The following DUOX2 variants were observed in gnomAD, a reference collection of about 807,000 sequenced individuals.
The protein encoded by DUOX2 is NADH/NADPH thyroid oxidase p138-tox.
DUOX2 carries 185 observed loss-of-function variants against 183.3 expected under a neutral mutation model. That is an observed-to-expected ratio of 1.01 (90% confidence interval 0.90 to 1.14). The LOEUF is 1.14. Ranked by LOEUF, DUOX2 falls within the 50% of genes most tolerant of loss-of-function variation. DUOX2 has a pLI of 0.00. For synonymous variants in DUOX2, 788 were observed against 812.4 expected (o/e 0.97, Z 0.51); for missense variants, 1,999 against 2,022.9 (o/e 0.99, Z 0.23).
At position 45,111,471 on chromosome 15, in the gene DUOX2, C is replaced by T. The variant is rs1409703314; in HGVS notation, c.628G>A (p.Ala210Thr). The T allele has an allele frequency of 3.0e-5, 46 of 1,550,508 alleles. No homozygotes were observed. The highest frequency in any genetic ancestry group is 4.0e-5 in the Non-Finnish European group (46 of 1,150,364). Residue 210 changes from alanine (A) to threonine (T), a missense_variant, in exon 6 of 34, where the codon GCT (alanine) becomes ACT (threonine). Coordinates refer to ENST00000389039, the MANE Select transcript of DUOX2 (RefSeq NM_001363711.2). ...GGQLASGPDPAFPRDSQNPLL... is the reference protein window; with the variant it reads ...GGQLASGPDPTFPRDSQNPLL... Reference sequence around the variant, plus strand: ...GGGTTCTGCGAGTCTCGGGGGAAAGCGGGGTCGGGCCCCGACGCCAGCTGT... The same window carrying T: ...GGGTTCTGCGAGTCTCGGGGGAAAGTGGGGTCGGGCCCCGACGCCAGCTGT...
chr15:45,112,572 C>T lies in DUOX2; in HGVS notation c.307G>A (p.Val103Ile), dbSNP rs148211186. 17 of 1,612,998 alleles carry T rather than the reference C, an allele frequency of 1.1e-5. No homozygotes were observed. The African/African-American group carries it at 2.1e-4, about 20-fold the overall frequency. Residue 103 changes from valine (V) to isoleucine (I), a missense_variant, in exon 4 of 34, where the codon GTA (valine) becomes ATA (isoleucine). Physicochemically the swap from Val to Ile is conservative, Grantham distance 29. Around this residue, in one of 3 missense-constraint regions of DUOX2, gnomAD observed 356 missense variants for 356.4 expected, o/e 1.00. Transcript: ENST00000389039. ...AGLPSLHNRT[V>I]LGVFFGYHVL... ...CCCTCACCAAAGAAGACCCCCAGTACGGTGCGGTTGTGGAGCGACGGCAGG... is the reference window on the plus strand; with the variant it reads ...CCCTCACCAAAGAAGACCCCCAGTATGGTGCGGTTGTGGAGCGACGGCAGG...
intron 1 of DUOX2, among the ~76,000 whole-genome samples, 189 bp downstream of exon 1, chr15:45,113,784 C>T (rs917567521): frequency 3.3e-5 from 5 of 152,136 alleles, no homozygotes; most frequent in African/African-American, 1.2e-4. Context: ...CCTCCACCCG[C>T]CCCCGATCCG....
At position 45,095,000 on chromosome 15, in the gene DUOX2, A is replaced by G. The variant is rs1566970788; in HGVS notation, c.4331T>C (p.Leu1444Pro). 2.5e-6 allele frequency: 4 copies of G among 1,614,190 alleles called. No individual in the cohort carries two copies. Among genetic ancestry groups the G allele is most frequent in the Non-Finnish European group, 3.4e-6 (4 of 1,180,026 alleles). Residue 1444 changes from leucine (L) to proline (P), a missense_variant, in exon 32 of 34, where the codon CTG (leucine) becomes CCG (proline). Coordinates refer to ENST00000389039, the MANE Select transcript of DUOX2 (RefSeq NM_001363711.2). ...QEVEENDHQD[L>P]VSVHIYVTQL... ...GGTGACATAAATGTGCACAGACACC[A>G]GGTCCTGGTGGTCGTTCTCCTCCAC... is the stretch of plus-strand genomic sequence containing the variant.
At position 45,110,728 on chromosome 15, in the gene DUOX2, G is replaced by T. The variant is rs1391421384; in HGVS notation, c.883-18C>A. On this transcript the variant is annotated intron_variant, in intron 7 of 33. Coordinates refer to ENST00000389039, the MANE Select transcript of DUOX2 (RefSeq NM_001363711.2). ...GCGATGTTCTGAGGGGCAGAGAGGGGCGAGGGGAGGCACAAGTTGGATGGT... is the reference window on the plus strand; with the variant it reads ...GCGATGTTCTGAGGGGCAGAGAGGGTCGAGGGGAGGCACAAGTTGGATGGT... 1.2e-6 allele frequency: 2 copies of T among 1,611,946 alleles called. No homozygotes were observed. The highest frequency in any genetic ancestry group is 1.1e-5 in the South Asian group (1 of 90,970).
intron 15 of DUOX2, 90 bp downstream of exon 15, chr15:45,106,742 G>A: frequency 1.2e-6 from 2 of 1,605,194 alleles, no homozygotes; most frequent in African/African-American, 1.3e-5. Flanking sequence ...CCTTGAGCCT[G>A]GTCTCAAACG....
intron 18 of DUOX2, 69 bp from the exon 19 acceptor site, chr15:45,104,434 G>C: frequency 6.4e-7 from 1 of 1,561,478 alleles, no homozygotes. Context: ...GCAGTTCAGT[G>C]ACCCTTCATA....
Position 45,109,602 on chromosome 15 carries a change from C to G in DUOX2, c.1156G>C (p.Glu386Gln), listed in dbSNP as rs773941755. 6 of 1,614,044 alleles carry G rather than the reference C, an allele frequency of 3.7e-6. No individual in the cohort carries two copies. The African/African-American group carries it at 4.0e-5, about 11-fold the overall frequency. ...ATTCCCAGCAGCAGCTCATTCACCT[C>G]CTGGGTACTGTTCAGATTGGGGTTC... The part of the protein sequence containing the change: ...RENPNLNSTQ[E>Q]VNELLLGMAS... The change falls in exon 11 of 34, where the codon GAG becomes CAG. Residue 386 changes from glutamate to glutamine, a missense_variant. Glu to Gln is a conservative substitution (Grantham distance 29). Transcript: ENST00000389039.
At position 45,106,817 on chromosome 15, in the gene DUOX2, T is replaced by A; in HGVS notation, c.1831+15A>T. ...GGGCAGGGCCAGTCTGCAGAGAGGC[T>A]GCCTAAGAGCTCACCTAAGGGAAGG... On this transcript the variant is annotated intron_variant, in intron 15 of 33. Coordinates refer to ENST00000389039, the MANE Select transcript of DUOX2 (RefSeq NM_001363711.2). The A allele has an allele frequency of 6.3e-7, 1 of 1,597,766 alleles. No individual in the cohort carries two copies. Among genetic ancestry groups the A allele is most frequent in the African/African-American group, 1.3e-5 (1 of 74,972 alleles).
intron 32 of DUOX2, 99 bp from the exon 33 acceptor site, chr15:45,094,790 G>C (rs1440598575): frequency 2.5e-6 from 4 of 1,596,122 alleles, no homozygotes; most frequent in Non-Finnish European, 3.4e-6. Flanking sequence ...GGGAGGGGAG[G>C]GAGCTGGAGG....
chr15:45,098,799 G>C (rs1893974565), intron 26 of DUOX2, among the ~76,000 whole-genome samples: 1 of 151,818 alleles, frequency 6.6e-6, no homozygotes, highest in Non-Finnish European at 1.5e-5. Context: ...AAACTCCTGG[G>C]CTCAAGCAAT....
chr15:45,105,017 C>T (rs1171903618), intron 18 of DUOX2, among the ~76,000 whole-genome samples: 2 of 152,120 alleles, frequency 1.3e-5, no homozygotes, highest in Non-Finnish European at 1.5e-5. Flanking sequence ...GATGGGGTTT[C>T]ACCATGTTGG....
intron 26 of DUOX2, 31 bp from the exon 27 acceptor site, chr15:45,098,089 C>A: frequency 6.2e-7 from 1 of 1,609,904 alleles, no homozygotes; most frequent in Non-Finnish European, 8.5e-7. Context: ...GAGCCTCTGA[C>A]TGGGGCAGGA....
intron 13 of DUOX2, among the ~76,000 whole-genome samples, chr15:45,107,819 C>A (rs1239541082): frequency 7.4e-6 from 1 of 135,028 alleles, no homozygotes; most frequent in African/African-American, 2.9e-5. Flanking sequence ...CCACTGCACT[C>A]CAGCCTGGGT....
In DUOX2 at chr15:45,106,849, A is replaced by T. The variant is rs1471503936; in HGVS notation, c.1814T>A (p.Leu605His). The T allele has an allele frequency of 6.3e-7, 1 of 1,593,936 alleles. No individual in the cohort carries two copies. The highest frequency in any genetic ancestry group is 1.8e-5 in the Admixed American group (1 of 55,170). The stretch of plus-strand genomic sequence containing the variant: ...GAGCTCACCTAAGGGAAGGCAGCAG[A>T]GAGCAATGATGGTGATGGCAAAACC... Reference protein sequence around the residue: ...SPGFAITIIALCCLPLVSLLL... With the variant: ...SPGFAITIIAHCCLPLVSLLL... The change falls in exon 15 of 34, where the codon CTC becomes CAC. Residue 605 changes from leucine (L) to histidine (H), a missense_variant. By Grantham distance (99) the Leu-to-His change is moderately conservative (BLOSUM62 -3). Around this residue, in one of 3 missense-constraint regions of DUOX2, gnomAD observed 1,628 missense variants for 1,608.6 expected, o/e 1.01. Transcript: ENST00000389039.
intron 3 of DUOX2, 88 bp from the exon 4 acceptor site, chr15:45,112,806 C>T: frequency 6.3e-7 from 1 of 1,588,128 alleles, no homozygotes; most frequent in Admixed American, 1.7e-5. Context: ...CAACCCCCAT[C>T]CCACTTCACT....
rs542047276 is a variant in DUOX2, at chr15:45,112,623, T to A, written c.256A>T (p.Asn86Tyr). The A allele has an allele frequency of 6.2e-7, 1 of 1,612,872 alleles. No individual in the cohort carries two copies. Among genetic ancestry groups the A allele is most frequent in the South Asian group, 1.1e-5 (1 of 91,068 alleles). Residue 86 changes from asparagine (N) to tyrosine (Y), a missense_variant, in exon 4 of 34, where the codon AAC becomes TAC. Asn to Tyr is a moderately radical substitution (Grantham distance 143). This residue lies in a region of DUOX2 where 356 missense variants were observed against 356.4 expected (regional missense o/e 1.00). Coordinates refer to ENST00000389039, the MANE Select transcript of DUOX2 (RefSeq NM_001363711.2). ...PQLPNPRRLS[N>Y]AATRGIAGLP... ...CCGGCTATGCCCCGCGTGGCTGCGT[T>A]GCTGAGCCGGCGCGGGTTGGGCAGC... is the stretch of plus-strand genomic sequence containing the variant.
chr15:45,108,121 G>C lies in DUOX2; in HGVS notation c.1500C>G (p.Phe500Leu). Residue 500 changes from phenylalanine (F) to leucine (L), a missense_variant, in exon 13 of 34, where the codon TTC becomes TTG. Physicochemically the swap from Phe to Leu is conservative, Grantham distance 22 (BLOSUM62 0). Around this residue, in one of 3 missense-constraint regions of DUOX2, gnomAD observed 1,628 missense variants for 1,608.6 expected, o/e 1.01. Coordinates refer to ENST00000389039, the MANE Select transcript of DUOX2 (RefSeq NM_001363711.2). ...CAAACTGGTCGAGGACAATGGCACT[G>C]AACAGGGGTCCAGGGTCCCCATGGC... The part of the protein sequence containing the change: ...LESHGDPGPL[F>L]SAIVLDQFVR... 1.2e-6 allele frequency: 2 copies of C among 1,614,158 alleles called. No homozygotes were observed. The highest frequency in any genetic ancestry group is 1.7e-6 in the Non-Finnish European group (2 of 1,180,018).
rs1006775304 is a variant in DUOX2 at position 45,112,773 on chromosome 15, C to T, written c.161-55G>A. 7 of 1,605,442 alleles carry T rather than the reference C, an allele frequency of 4.4e-6. No homozygotes were observed. In the African/African-American group the frequency reaches 9.3e-5, roughly 21 times the overall value. On this transcript the variant is annotated intron_variant, in intron 3 of 33. Transcript: ENST00000389039. ...AAGCACTCCATCCCCTAGGATCCCC[C>T]AAACCTCTCCCTAAGCCTCCCTCAA...
chr15:45,108,683 T>C, intron 12 of DUOX2, 106 bp downstream of exon 12: 1 of 1,284,444 alleles, frequency 7.8e-7, no homozygotes, highest in Non-Finnish European at 1.1e-6. Flanking sequence ...ATACATACCT[T>C]ACAATATTAT....
Sources: allele counts gnomAD v4.1 joint callset (sites outside exome capture counted in the v4.1 genomes callset), GRCh38; gene constraint gnomAD v4.1.1; regional missense constraint gnomAD v4.1.1; transcripts MANE v1.5; gene names NCBI Gene and HGNC (gene_info 2026-07-23, HGNC 2026-07-21).